DDAH1: variants seen among roughly 807,000 people sequenced by gnomAD.
DDAH1 encodes dimethylarginine dimethylaminohydrolase 1, also known as N(G),N(G)-dimethylarginine dimethylaminohydrolase 1.
A neutral mutation model predicts 28.8 loss-of-function variants in DDAH1; 19 were observed. The observed-to-expected ratio is 0.66, with a 90% confidence interval of 0.46 to 0.97. The LOEUF (loss-of-function observed/expected upper bound fraction) is 0.97, where lower values mean the gene tolerates loss of function less well. DDAH1 is among the 50% of genes least tolerant of loss of function. The pLI, the probability that DDAH1 is intolerant of heterozygous loss-of-function variation, is 0.00. For missense variants in DDAH1, 326 were observed against 375.9 expected (o/e 0.87, Z 1.10); for synonymous variants, 153 against 154.4 (o/e 0.99, Z 0.07).
At chr1:85,483,567 T>C (rs1435503985) in intron 2 of DDAH1, among the ~76,000 whole-genome samples, 1 of 152,230 alleles carries the variant, frequency 6.6e-6, no homozygotes, top group Admixed American at 6.5e-5. Context: ...TATATCTGTT[T>C]ATGTAACACC....
rs369866370 is a variant in DDAH1 at position 85,449,527 on chromosome 1, A to G, written c.303+15216T>C. Among the ~76,000 whole-genome samples the G allele has an allele frequency of 4.6e-5, 7 of 152,276 alleles. No homozygotes were observed. In the East Asian group the frequency reaches 1.4e-3, roughly 29 times the overall value. ...GAACAAGGGACACTTTATTTCTTCT[A>G]ATAGCCAGATGGCTTCCAGGGCTTG... On this transcript the variant is annotated intron_variant, in intron 1 of 5. Coordinates refer to ENST00000284031, the MANE Select transcript of DDAH1 (RefSeq NM_012137.4).
intron 1 of DDAH1, among the ~76,000 whole-genome samples, chr1:85,394,266 A>C (rs1267220836): frequency 6.6e-6 from 1 of 152,142 alleles, no homozygotes; most frequent in East Asian, 1.9e-4. Flanking sequence ...TCAAAGGAAA[A>C]CAGGTTGTTA....
intron 1 of DDAH1, among the ~76,000 whole-genome samples, chr1:85,441,835 C>T (rs566825172): frequency 1.4e-4 from 21 of 152,298 alleles, no homozygotes; most frequent in South Asian, 8.3e-4. Context: ...TCTTATATCA[C>T]ATCTAAAGAA....
chr1:85,491,286 T>C (rs967323226), intron 2 of DDAH1, among the ~76,000 whole-genome samples: 3 of 152,254 alleles, frequency 2.0e-5, no homozygotes, highest in East Asian at 3.9e-4. Flanking sequence ...TAACATGTCG[T>C]GTGCTCTTAA....
At chr1:85,562,905 A>G (rs1659180211) in intron 1 of DDAH1, among the ~76,000 whole-genome samples, 1 of 152,214 alleles carries the variant, frequency 6.6e-6, no homozygotes, top group South Asian at 2.1e-4. Context: ...CAGGACTTCT[A>G]CTTTCAAGCC....
At chr1:85,336,092 C>G (rs1226787040) in intron 4 of DDAH1, among the ~76,000 whole-genome samples, 1 of 152,170 alleles carries the variant, frequency 6.6e-6, no homozygotes, top group East Asian at 1.9e-4. Flanking sequence ...ACTCCACTCT[C>G]AGCAAAAGAC....
chr1:85,326,931 A>G (rs543169598), intron 4 of DDAH1, among the ~76,000 whole-genome samples: 1 of 152,380 alleles, frequency 6.6e-6, no homozygotes, highest in African/African-American at 2.4e-5. Flanking sequence ...TATTCAATTT[A>G]GCCCTCTTTA....
At chr1:85,421,622 C>G (rs1456288663) in intron 1 of DDAH1, among the ~76,000 whole-genome samples, 1 of 152,140 alleles carries the variant, frequency 6.6e-6, no homozygotes, top group Non-Finnish European at 1.5e-5. Flanking sequence ...CTTCTCTCTC[C>G]CTGAGCCCCT....
chr1:85,373,436 A>AGAT (rs1650492572), intron 1 of DDAH1, among the ~76,000 whole-genome samples: 2 of 151,858 alleles, frequency 1.3e-5, no homozygotes, highest in Non-Finnish European at 2.9e-5. Flanking sequence ...TGAGGGAGGG[A>AGAT]GATGATTGGA....
rs374875447 is a variant in DDAH1 at position 85,352,315 on chromosome 1, G to T, written c.404-736C>A. On this transcript the variant is annotated intron_variant, in intron 2 of 5. Coordinates refer to ENST00000284031, the MANE Select transcript of DDAH1 (RefSeq NM_012137.4). The stretch of plus-strand genomic sequence containing the variant: ...TGTGATGGGACGGTGTCCTGTCCAG[G>T]GTGGGTTGCCGCCTTGCACCCCGAG... 2.4e-4 allele frequency among the ~76,000 whole-genome samples: 36 copies of T among 152,170 alleles called. 1 individual carries two copies. The East Asian group carries it at 2.7e-3, about 11-fold the overall frequency.
intron 4 of DDAH1, among the ~76,000 whole-genome samples, chr1:85,342,414 TGGA>T (rs1439462396): frequency 1.5e-5 from 2 of 135,742 alleles, no homozygotes; most frequent in Middle Eastern, 4.0e-3. Flanking sequence ...GTGTGTGTGT[TGGA>T]GGAGGAGGTA....
At chr1:85,461,091 G>A (rs911421259) in intron 1 of DDAH1, among the ~76,000 whole-genome samples, 1 of 152,172 alleles carries the variant, frequency 6.6e-6, no homozygotes, top group South Asian at 2.1e-4. Context: ...TTCAGCCTAG[G>A]TGACAGAGTG....
At chr1:85,471,153 C>T (rs932373763) in intron 2 of DDAH1, among the ~76,000 whole-genome samples, 2 of 152,224 alleles carry the variant, frequency 1.3e-5, no homozygotes, top group African/African-American at 2.4e-5. Context: ...ATTTCTCTGG[C>T]TCCCTTCCTG....
chr1:85,443,160 G>T (rs1176584266), intron 1 of DDAH1, among the ~76,000 whole-genome samples: 1 of 152,152 alleles, frequency 6.6e-6, no homozygotes, highest in East Asian at 1.9e-4. Context: ...ATGGTTTTAG[G>T]TCTAACATTT....
chr1:85,392,700 G>GGA, intron 1 of DDAH1, among the ~76,000 whole-genome samples: 1 of 150,908 alleles, frequency 6.6e-6, no homozygotes, highest in Non-Finnish European at 1.5e-5. Context: ...GGCTGAGGCA[G>GGA]GAGAACGGCT....
intron 1 of DDAH1, among the ~76,000 whole-genome samples, chr1:85,376,567 A>G (rs1650676942): frequency 1.3e-5 from 2 of 152,048 alleles, no homozygotes; most frequent in Non-Finnish European, 2.9e-5. Flanking sequence ...GAGTTGGAGA[A>G]GCTTTTCTTT....
intron 1 of DDAH1, among the ~76,000 whole-genome samples, chr1:85,500,777 C>T (rs1656792496): frequency 6.6e-6 from 1 of 152,028 alleles, no homozygotes; most frequent in South Asian, 2.1e-4. Flanking sequence ...TCTCTATGTG[C>T]TTCAGCTGAG....
intron 1 of DDAH1, among the ~76,000 whole-genome samples, chr1:85,573,328 C>G (rs721471): frequency 6.6e-6 from 1 of 152,062 alleles, no homozygotes; most frequent in African/African-American, 2.4e-5. Flanking sequence ...GGTTAAGAGA[C>G]AGGTATCTCC....
At chr1:85,509,430 C>T (rs557483240) in intron 1 of DDAH1, among the ~76,000 whole-genome samples, 21 of 152,306 alleles carry the variant, frequency 1.4e-4, no homozygotes, top group African/African-American at 4.6e-4. Context: ...TACCTATTCT[C>T]CTCCAAAGGA....
Sources: gnomAD v4.1 joint callset for allele counts (sites outside exome capture counted in the v4.1 genomes callset) on GRCh38, gnomAD v4.1.1 for gene constraint, MANE v1.5 for transcripts, NCBI Gene and HGNC (gene_info 2026-07-23, HGNC 2026-07-21) for gene names.